Variants in TMEM120A observed in about 807,000 individuals in gnomAD.
The protein encoded by TMEM120A is ion channel TACAN.
A neutral mutation model predicts 54.3 loss-of-function variants in TMEM120A; 45 were observed. The ratio of observed to expected loss-of-function variants is 0.83; its 90% CI spans 0.65 to 1.06. The LOEUF (loss-of-function observed/expected upper bound fraction) is 1.06, where lower values mean the gene tolerates loss of function less well. TMEM120A is among the 50% of genes least tolerant of loss of function. The pLI, the probability that TMEM120A is intolerant of heterozygous loss-of-function variation, is 0.00. For missense variants in TMEM120A, 424 were observed against 441.7 expected (o/e 0.96, Z 0.36); for synonymous variants, 204 against 178.5 (o/e 1.14, Z -1.14).
At chr7:75,988,171 C>A (rs781896643) in intron 6 of TMEM120A, 23 bp from the exon 7 acceptor site, 23 of 1,610,894 alleles carry the variant, frequency 1.4e-5, no homozygotes, top group Non-Finnish European at 1.9e-5. Context: ...GCCACCATCA[C>A]CCCCAGCGCC....
At chr7:75,989,652 G>A (rs1241845703) in intron 3 of TMEM120A, among the ~76,000 whole-genome samples, 1 of 150,990 alleles carries the variant, frequency 6.6e-6, no homozygotes, top group Non-Finnish European at 1.5e-5. Flanking sequence ...AGACCCACAC[G>A]CCTGGCCACA....
At position 75,992,158 on chromosome 7, in the gene TMEM120A, C is replaced by A; in HGVS notation, c.303G>T (p.Leu101Phe). ...QGLFFDMEAY[L>F]PKKNGLYLSL... is the part of the protein sequence containing the mutation. ...GGGGCCCTCACCCATTCTTCTTAGG[C>A]AAATAGGCCTCCATGTCAAAGAAGA... Residue 101 changes from leucine to phenylalanine, a missense_variant, in exon 3 of 12, where the codon TTG becomes TTT. Leu to Phe is a conservative substitution (Grantham distance 22, BLOSUM62 0). Coordinates refer to ENST00000493111, the MANE Select transcript of TMEM120A (RefSeq NM_031925.3). 6.2e-7 allele frequency: 1 copy of A among 1,606,356 alleles called. No homozygotes were observed. Among genetic ancestry groups the A allele is most frequent in the Non-Finnish European group, 8.5e-7 (1 of 1,175,894 alleles).
intron 3 of TMEM120A, 50 bp downstream of exon 3, chr7:75,992,094 C>T (rs1554561914): frequency 7.3e-7 from 1 of 1,368,246 alleles, no homozygotes; most frequent in South Asian, 1.3e-5. Context: ...CAGCACCCGG[C>T]TTCAGGAGTG....
In TMEM120A at chr7:75,993,580, G is replaced by A. The variant is rs137861528; in HGVS notation, c.81+910C>T. Among the ~76,000 whole-genome samples, 346 of 152,362 alleles carry A rather than the reference G, an allele frequency of 2.3e-3. 3 individuals carry two copies. The highest frequency in any genetic ancestry group is 8.0e-3 in the African/African-American group (332 of 41,590). On this transcript the variant is annotated intron_variant, in intron 1 of 11. Coordinates refer to ENST00000493111, the MANE Select transcript of TMEM120A (RefSeq NM_031925.3). ...GAGAAGCACCAATGGCAGGGGCCTT[G>A]GCAGGGCCAGGGGCAGCTGGGTTTC...
chr7:75,992,250 A>T lies in TMEM120A; in HGVS notation c.211T>A (p.Ser71Thr). 6.2e-7 allele frequency: 1 copy of T among 1,606,576 alleles called. No homozygotes were observed. Among genetic ancestry groups the T allele is most frequent in the Non-Finnish European group, 8.5e-7 (1 of 1,176,506 alleles). ...GCCCCCTCGGCCTCTGCTGGGAGGG[A>T]GGGTTTGCATCTGCGGGTAAGGCCA... ...LALALKKCKP[S>T]LPAEAEGAAQ... The change falls in exon 3 of 12, where the codon TCC becomes ACC. Residue 71 changes from serine (S) to threonine (T), a missense_variant. Physicochemically the swap from Ser to Thr is moderately conservative, Grantham distance 58. Transcript: ENST00000493111.
chr7:75,987,473 T>C (rs782087810), intron 10 of TMEM120A, 45 bp from the exon 11 acceptor site: 1 of 1,559,520 alleles, frequency 6.4e-7, no homozygotes, highest in South Asian at 1.2e-5. Flanking sequence ...CAGTCCCTGC[T>C]GGAGCCCGAA....
chr7:75,992,054 C>A, intron 3 of TMEM120A, 90 bp downstream of exon 3: 1 of 926,024 alleles, frequency 1.1e-6, no homozygotes, highest in South Asian at 1.6e-5. Flanking sequence ...GCCCAGGGAA[C>A]ATTTGCTGAC....
Position 75,994,592 on chromosome 7 carries a change from T to C in TMEM120A, c.-22A>G. On this transcript the variant is annotated 5_prime_UTR_variant, in exon 1 of 12. Transcript: ENST00000493111. ...GCATGGCTGCAGCGCCAGTAGCCAG[T>C]AGTGGAGGACGGCGCAGCAACCCCG... 2.0e-6 allele frequency: 3 copies of C among 1,513,314 alleles called. No homozygotes were observed. Among genetic ancestry groups the C allele is most frequent in the South Asian group, 1.2e-5 (1 of 81,818 alleles). The allele number at this position is 1,513,314 out of a possible 1,614,324, so 93.7% of individuals were successfully genotyped here.
In TMEM120A at chr7:75,989,335, G is replaced by A. The variant is rs543400870; in HGVS notation, c.318-111C>T. On this transcript the variant is annotated intron_variant, in intron 3 of 11. Transcript: ENST00000493111. ...GGGCCACCACCCCACCCCCTCACCCGCTGCTTTCCGCAGGGCCTTGGCATC... is the reference window on the plus strand; with the variant it reads ...GGGCCACCACCCCACCCCCTCACCCACTGCTTTCCGCAGGGCCTTGGCATC... The A allele has an allele frequency of 5.9e-5, 43 of 731,744 alleles. 1 individual carries two copies. The highest frequency in any genetic ancestry group is 3.1e-4 in the Middle Eastern group (1 of 3,228). The allele number at this position is 731,744 out of a possible 1,614,324, so 45.3% of individuals were successfully genotyped here.
Position 75,992,562 on chromosome 7 carries a change from G to C in TMEM120A, c.82-5C>G, listed in dbSNP as rs940555292. ...GCGGTAGAGCCGATGGGTCTCCTGG[G>C]GGCCGGAGGGGAGAGGCTCAGGCCA... On this transcript the variant is annotated splice_polypyrimidine_tract_variant and splice_region_variant and intron_variant, in intron 1 of 11. Coordinates refer to ENST00000493111, the MANE Select transcript of TMEM120A (RefSeq NM_031925.3). The C allele has an allele frequency of 6.4e-7, 1 of 1,560,426 alleles. No homozygotes were observed. The highest frequency in any genetic ancestry group is 8.7e-7 in the Non-Finnish European group (1 of 1,153,932).
chr7:75,989,213 C>A lies in TMEM120A; in HGVS notation c.329G>T (p.Ser110Ile). Reference protein sequence around the residue: ...YLPKKNGLYLSLVLGNVNVTL... With the variant: ...YLPKKNGLYLILVLGNVNVTL... ...GACGTTGACGTTCCCCAGAACCAGG[C>A]TCAGGTACAATCTAGGGAAGGGGGT... The change falls in exon 4 of 12, where the codon AGC becomes ATC. Residue 110 changes from serine to isoleucine, a missense_variant. By Grantham distance (142) the Ser-to-Ile change is moderately radical. Coordinates refer to ENST00000493111, the MANE Select transcript of TMEM120A (RefSeq NM_031925.3). 6.4e-7 allele frequency: 1 copy of A among 1,563,340 alleles called. No homozygotes were observed. The highest frequency in any genetic ancestry group is 1.4e-5 in the African/African-American group (1 of 72,742).
In TMEM120A at chr7:75,994,475, C is replaced by T. The variant is rs1554562716; in HGVS notation, c.81+15G>A. On this transcript the variant is annotated intron_variant, in intron 1 of 11. Coordinates refer to ENST00000493111, the MANE Select transcript of TMEM120A (RefSeq NM_031925.3). ...CGCGGCTCGGGGGCGACCCGGCGTCCGCAGCGGCGCTAACCTGGATGTTCT... is the reference window on the plus strand; with the variant it reads ...CGCGGCTCGGGGGCGACCCGGCGTCTGCAGCGGCGCTAACCTGGATGTTCT... The T allele has an allele frequency of 6.4e-6, 10 of 1,554,510 alleles. No individual in the cohort carries two copies. The highest frequency in any genetic ancestry group is 5.9e-5 in the South Asian group (5 of 84,640).
chr7:75,989,556 T>C (rs782321319), intron 3 of TMEM120A, among the ~76,000 whole-genome samples: 44 of 147,844 alleles, frequency 3.0e-4, no homozygotes, highest in Non-Finnish European at 5.4e-4. Flanking sequence ...CTGTCCCCGA[T>C]TGCTCCCCTG....
chr7:75,987,223 C>T lies in TMEM120A; in HGVS notation c.981G>A (p.Arg327=). Residue 327 remains arginine, a synonymous_variant, in exon 12 of 12, where the codon AGG becomes AGA. Transcript: ENST00000493111. ...LFLGNFFTTL[R]VVHHKFHSQR... is the part of the protein sequence containing the mutation. ...GACTGTGAAACTTGTGGTGCACAAC[C>T]CTCAGGGTGGTGAAGAAATTGCCGA... 1 of 1,609,158 alleles carries T rather than the reference C, an allele frequency of 6.2e-7. No homozygotes were observed. The highest frequency in any genetic ancestry group is 1.7e-5 in the Admixed American group (1 of 59,496).
intron 10 of TMEM120A, 42 bp from the exon 11 acceptor site, chr7:75,987,470 T>C (rs1554560115): frequency 2.6e-6 from 4 of 1,560,654 alleles, no homozygotes; most frequent in Admixed American, 1.9e-5. Flanking sequence ...ACCCAGTCCC[T>C]GCTGGAGCCC....
At chr7:75,993,189 C>G (rs1449177928) in intron 1 of TMEM120A, among the ~76,000 whole-genome samples, 2 of 152,166 alleles carry the variant, frequency 1.3e-5, no homozygotes, top group African/African-American at 2.4e-5. Context: ...GGAGCTTAGG[C>G]CCCCAGGGCC....
chr7:75,987,858 T>TTCCCTG (rs1228188803), intron 8 of TMEM120A, 48 bp from the exon 9 acceptor site: 1 of 1,600,066 alleles, frequency 6.2e-7, no homozygotes, highest in Non-Finnish European at 8.5e-7. Flanking sequence ...CCGGGAGGGG[T>TTCCCTG]TCCCTGCCCC....
chr7:75,987,289 C>G lies in TMEM120A; in HGVS notation c.919-4G>C. The G allele has an allele frequency of 6.3e-7, 1 of 1,593,312 alleles. No homozygotes were observed. The highest frequency in any genetic ancestry group is 8.5e-7 in the Non-Finnish European group (1 of 1,170,844). ...AGGGAAAGCCGCACATAAGCACCTGCCGGAGGAATAGGGTGAGGGCTGGAC... is the reference window on the plus strand; with the variant it reads ...AGGGAAAGCCGCACATAAGCACCTGGCGGAGGAATAGGGTGAGGGCTGGAC... On this transcript the variant is annotated splice_polypyrimidine_tract_variant and splice_region_variant and intron_variant, in intron 11 of 11. Coordinates refer to ENST00000493111, the MANE Select transcript of TMEM120A (RefSeq NM_031925.3).
At position 75,992,545 on chromosome 7, in the gene TMEM120A, G is replaced by A; in HGVS notation, c.94C>T (p.Leu32Phe). The A allele has an allele frequency of 6.3e-7, 1 of 1,577,944 alleles. No homozygotes were observed. Among genetic ancestry groups the A allele is most frequent in the Admixed American group, 1.8e-5 (1 of 54,682 alleles). Residue 32 changes from leucine to phenylalanine, a missense_variant, in exon 2 of 12, where the codon CTC becomes TTC. Coordinates refer to ENST00000493111, the MANE Select transcript of TMEM120A (RefSeq NM_031925.3). ...AGCTCCTCCAGCTTCAGGCGGTAGA[G>A]CCGATGGGTCTCCTGGGGGCCGGAG... Reference protein sequence around the residue: ...DFQNIQETHRLYRLKLEELTK... With the variant: ...DFQNIQETHRFYRLKLEELTK...
Sources: allele counts gnomAD v4.1 joint callset (sites outside exome capture counted in the v4.1 genomes callset), GRCh38; gene constraint gnomAD v4.1.1; transcripts MANE v1.5; gene names NCBI Gene and HGNC (gene_info 2026-07-23, HGNC 2026-07-21).